The following COL5A1 variants were observed in gnomAD, a reference collection of about 807,000 sequenced individuals.
The protein encoded by COL5A1 is collagen type V alpha 1 chain, also known as collagen alpha-1(V) chain.
Under a neutral mutation model 263.7 loss-of-function variants are expected in COL5A1, and 16 were observed. The ratio of observed to expected loss-of-function variants is 0.06; its 90% CI spans 0.04 to 0.09. The LOEUF (loss-of-function observed/expected upper bound fraction) is 0.09, where lower values mean the gene tolerates loss of function less well. COL5A1 is among the 10% of genes least tolerant of loss of function. The pLI is 1.00. For missense variants in COL5A1, 2,036 were observed against 2,540.5 expected (o/e 0.80, Z 4.27); for synonymous variants, 1,012 against 1,004.5 (o/e 1.01, Z -0.14).
In COL5A1 at chr9:134,757,569, A is replaced by G. The variant is rs1836026578; in HGVS notation, c.1882-674A>G. Among the ~76,000 whole-genome samples the G allele has an allele frequency of 6.6e-6, 1 of 152,174 alleles. No homozygotes were observed. The highest frequency in any genetic ancestry group is 6.5e-5 in the Admixed American group (1 of 15,284). On this transcript the variant is annotated intron_variant, in intron 17 of 65. Coordinates refer to ENST00000371817, the MANE Select transcript of COL5A1 (RefSeq NM_000093.5). This position sits in a 1 kb window ranked among gnomAD's most constrained non-coding sequence, Gnocchi z 6.2. ...TCTGAAGTGCATCCCGTCAGTCCCA[A>G]GCTAGTGAGGTGGCCTGGGGTGACA...
At chr9:134,768,132 C>G (rs1836741077) in intron 24 of COL5A1, among the ~76,000 whole-genome samples, 1 of 152,198 alleles carries the variant, frequency 6.6e-6, no homozygotes, top group African/African-American at 2.4e-5. Flanking sequence ...CCCCCGGGCC[C>G]CAGTATGCAG....
At position 134,758,329 on chromosome 9, in the gene COL5A1, C is replaced by G. The variant is rs759591419; in HGVS notation, c.1935+33C>G. On this transcript the variant is annotated intron_variant, in intron 18 of 65. Coordinates refer to ENST00000371817, the MANE Select transcript of COL5A1 (RefSeq NM_000093.5). This position sits in a 1 kb window ranked among gnomAD's most constrained non-coding sequence, Gnocchi z 4.1. ...TTTCCTCTGTGAGACACAGGCATGA[C>G]GATGGGCAGCAGAGGTGTCTCTCGG... 1 of 1,607,742 alleles carries G rather than the reference C, an allele frequency of 6.2e-7. No individual in the cohort carries two copies. The highest frequency in any genetic ancestry group is 8.5e-7 in the Non-Finnish European group (1 of 1,174,356).
intron 49 of COL5A1, 49 bp from the exon 50 acceptor site, chr9:134,814,748 C>T (rs948277568): frequency 1.2e-5 from 17 of 1,408,224 alleles, no homozygotes; most frequent in East Asian, 9.9e-5. Flanking sequence ...TTGCTCTGGG[C>T]GGCGACGTGG....
In COL5A1 at chr9:134,844,358, C is replaced by G. The variant is rs1283593297; in HGVS notation, c.*2055C>G. ...ACTGTCCCGCGACCCCCGTGGACTG[C>G]GTCTAGGTCATGTGATTCTGTTTTC... On this transcript the variant is annotated 3_prime_UTR_variant, in exon 66 of 66. Coordinates refer to ENST00000371817, the MANE Select transcript of COL5A1 (RefSeq NM_000093.5). The G allele has an allele frequency of 6.6e-6, 1 of 152,600 alleles. No homozygotes were observed. The highest frequency in any genetic ancestry group is 1.9e-4 in the East Asian group (1 of 5,188). The allele number at this position is 152,600 out of a possible 1,614,324, so 9.5% of individuals were successfully genotyped here.
chr9:134,759,839 CACGCACACCCCCA>C (rs1218952062), intron 18 of COL5A1, among the ~76,000 whole-genome samples: 1 of 78,012 alleles, frequency 1.3e-5, no homozygotes, highest in African/African-American at 8.5e-5. Flanking sequence ...CCCCCCCACT[CACGCACACCCCCA>C]CACCCCCACA....
In COL5A1 at chr9:134,722,449, A is replaced by G. The variant is rs951923456; in HGVS notation, c.655-4817A>G. On this transcript the variant is annotated intron_variant, in intron 4 of 65. Transcript: ENST00000371817. ...TGCCAGCACCTTATGCAGGGCCTGC[A>G]AGGTATGGCCGCTGTGCTGGACACC... Among the ~76,000 whole-genome samples, 9 of 152,316 alleles carry G rather than the reference A, an allele frequency of 5.9e-5. No individual in the cohort carries two copies. In the South Asian group the frequency reaches 1.5e-3, roughly 25 times the overall value.
At chr9:134,767,408 C>T (rs1281243550) in intron 24 of COL5A1, 54 bp downstream of exon 24, 1 of 1,555,076 alleles carries the variant, frequency 6.4e-7, no homozygotes, top group East Asian at 2.2e-5. Context: ...GGTGGATTCC[C>T]TGGCCCCACC....
At position 134,649,995 on chromosome 9, in the gene COL5A1, C is replaced by T. The variant is rs192543794; in HGVS notation, c.109+7699C>T. Reference sequence around the variant, plus strand: ...GTGGGAGTTGAACAATGAGAACACACGGACACAGGGAGGGGAACATCATGC... The same window carrying T: ...GTGGGAGTTGAACAATGAGAACACATGGACACAGGGAGGGGAACATCATGC... On this transcript the variant is annotated intron_variant, in intron 1 of 65. Coordinates refer to ENST00000371817, the MANE Select transcript of COL5A1 (RefSeq NM_000093.5). Among the ~76,000 whole-genome samples, 665 of 135,468 alleles carry T rather than the reference C, an allele frequency of 4.9e-3. 13 individuals are homozygous for T. Among genetic ancestry groups the T allele is most frequent in the South Asian group, 4.9e-3 (21 of 4,320 alleles). The allele number at this position is 135,468 out of a possible 152,430, so 88.9% of individuals were successfully genotyped here. A position where few individuals can be genotyped will look rare whatever the true frequency, so the allele number is the denominator to read the frequency against.
chr9:134,788,318 G>C (rs1304672858), intron 31 of COL5A1, among the ~76,000 whole-genome samples: 1 of 149,556 alleles, frequency 6.7e-6, no homozygotes, highest in Non-Finnish European at 1.5e-5. Context: ...ATGAATGGAG[G>C]GGTGGGTTTA....
intron 42 of COL5A1, among the ~76,000 whole-genome samples, chr9:134,807,636 G>T (rs2132834383): frequency 6.6e-6 from 1 of 152,344 alleles, no homozygotes; most frequent in Middle Eastern, 3.4e-3. Flanking sequence ...AGTGGCTCAT[G>T]GGTGGCAGGA....
At chr9:134,670,363 C>T (rs1433559646) in intron 1 of COL5A1, among the ~76,000 whole-genome samples, 1 of 152,238 alleles carries the variant, frequency 6.6e-6, no homozygotes, top group Non-Finnish European at 1.5e-5. Context: ...TACATTCCAA[C>T]CAACAGGCAG....
intron 49 of COL5A1, among the ~76,000 whole-genome samples, chr9:134,814,249 C>T (rs764827646): frequency 6.6e-6 from 1 of 152,204 alleles, no homozygotes; most frequent in Non-Finnish European, 1.5e-5. Context: ...GCTACCTGTG[C>T]CCAGTGGCCT....
chr9:134,790,003 A>T (rs1253470029), intron 32 of COL5A1, among the ~76,000 whole-genome samples: 1 of 152,096 alleles, frequency 6.6e-6, no homozygotes, highest in Admixed American at 6.5e-5. Context: ...GGCCTGGGGG[A>T]CATGCTCCCC....
chr9:134,779,011 C>T (rs1310224537), intron 27 of COL5A1, among the ~76,000 whole-genome samples: 2 of 152,254 alleles, frequency 1.3e-5, no homozygotes, highest in East Asian at 3.8e-4. Flanking sequence ...CCCAGAGCCC[C>T]TCCCTCTCCA....
chr9:134,828,118 C>T lies in COL5A1; in HGVS notation c.5068-1858C>T, dbSNP rs184137855. ...CGGCCCTGGGGGCCCTTCCACTCCA[C>T]GCCTGCAGCAAGTGCACCCTCAGGC... is the stretch of plus-strand genomic sequence containing the variant. On this transcript the variant is annotated intron_variant, in intron 63 of 65. Transcript: ENST00000371817. 7.9e-5 allele frequency among the ~76,000 whole-genome samples: 12 copies of T among 152,338 alleles called. No individual in the cohort carries two copies. In the East Asian group the frequency reaches 9.6e-4, roughly 12 times the overall value.
chr9:134,765,785 C>T lies in COL5A1; in HGVS notation c.2088+51C>T. ...TCTGCCCCCATCTCGGCCTTTGAGA[C>T]CCCGCCTCCCAGCCGGTGGACGCTT... On this transcript the variant is annotated intron_variant, in intron 21 of 65. Transcript: ENST00000371817. The surrounding 1 kb of genome is among the most constrained non-coding windows in gnomAD (Gnocchi z 5.1). The T allele has an allele frequency of 4.0e-6, 6 of 1,500,006 alleles. No homozygotes were observed. Among genetic ancestry groups the T allele is most frequent in the Non-Finnish European group, 5.5e-6 (6 of 1,086,108 alleles). 92.9% of individuals were successfully genotyped at this position (1,500,006 alleles called of 1,614,324 possible).
In COL5A1 at chr9:134,754,305, G is replaced by C. The variant is rs144065675; in HGVS notation, c.1806G>C (p.Pro602=). Reference sequence around the variant, plus strand: ...GAGGTGTGCAAGGCCCGCCTGGTCCGGCCGGGAAGCCCGGAAGACGGGTGA... The same window carrying C: ...GAGGTGTGCAAGGCCCGCCTGGTCCCGCCGGGAAGCCCGGAAGACGGGTGA... ...GPRGVQGPPG[P]AGKPGRRGRA... The change falls in exon 16 of 66, where the codon CCG becomes CCC. Residue 602 remains proline (P), a synonymous_variant. Transcript: ENST00000371817. This position sits in a 1 kb window ranked among gnomAD's most constrained non-coding sequence, Gnocchi z 4.3. 6.2e-7 allele frequency: 1 copy of C among 1,614,052 alleles called. No homozygotes were observed. Among genetic ancestry groups the C allele is most frequent in the Admixed American group, 1.7e-5 (1 of 60,032 alleles).
intron 9 of COL5A1, among the ~76,000 whole-genome samples, chr9:134,737,579 G>C (rs1000224970): frequency 3.3e-5 from 5 of 152,242 alleles, no homozygotes; most frequent in Admixed American, 2.0e-4. Context: ...AGTCGTCATG[G>C]AACACGGAGG....
chr9:134,789,559 G>C lies in COL5A1; in HGVS notation c.2700+351G>C, dbSNP rs1345679762. On this transcript the variant is annotated intron_variant, in intron 32 of 65. Transcript: ENST00000371817. The surrounding 1 kb of genome is among the most constrained non-coding windows in gnomAD (Gnocchi z 4.8). ...CTTTTCCTCCAAGCTAATTTTAAAA[G>C]GAAGGGAAAAAGGAGATTGTTTTTT... Among the ~76,000 whole-genome samples, 1 of 152,140 alleles carries C rather than the reference G, an allele frequency of 6.6e-6. No homozygotes were observed. Among genetic ancestry groups the C allele is most frequent in the Non-Finnish European group, 1.5e-5 (1 of 68,008 alleles).
Sources: gnomAD v4.1 joint callset for allele counts (sites outside exome capture counted in the v4.1 genomes callset) on GRCh38, gnomAD v4.1.1 for gene constraint, Gnocchi (gnomAD v3.1) non-coding constraint, MANE v1.5 for transcripts, NCBI Gene and HGNC (gene_info 2026-07-23, HGNC 2026-07-21) for gene names.